Variants in TRANK1 observed in about 807,000 individuals in gnomAD.
The protein encoded by TRANK1 is TPR and ankyrin repeat-containing protein 1.
In TRANK1, 198 loss-of-function variants were observed where a neutral mutation model predicts 266.0. That is an observed-to-expected ratio of 0.74 (90% CI 0.66 to 0.84). The LOEUF (loss-of-function observed/expected upper bound fraction) is 0.84, where lower values mean the gene tolerates loss of function less well. Among genes scored for constraint, TRANK1 ranks in the 40% least tolerant of loss-of-function variants. The pLI is 0.00. For missense variants in TRANK1, 3,326 were observed against 3,634.6 expected (o/e 0.92, Z 2.18); for synonymous variants, 1,396 against 1,384.1 (o/e 1.01, Z -0.19).
At chr3:36,902,666 T>C (rs564845571) in intron 3 of TRANK1, among the ~76,000 whole-genome samples, 1 of 152,356 alleles carries the variant, frequency 6.6e-6, no homozygotes, top group South Asian at 2.1e-4. Context: ...GTTTCTACTA[T>C]AAGAAATGCC....
chr3:36,870,327 G>A (rs2079287528), intron 9 of TRANK1, among the ~76,000 whole-genome samples: 1 of 151,882 alleles, frequency 6.6e-6, no homozygotes, highest in Non-Finnish European at 1.5e-5. Flanking sequence ...GAATCGCTTG[G>A]ACCCGGGAGA....
At chr3:36,854,657 A>G (rs1447224967) in intron 13 of TRANK1, among the ~76,000 whole-genome samples, 2 of 152,194 alleles carry the variant, frequency 1.3e-5, no homozygotes, top group Non-Finnish European at 2.9e-5. Context: ...AAGATTAAGC[A>G]CTATACGTAA....
chr3:36,863,768 C>T (rs959968992), intron 10 of TRANK1, among the ~76,000 whole-genome samples: 1 of 152,296 alleles, frequency 6.6e-6, no homozygotes, highest in South Asian at 2.1e-4. Flanking sequence ...CTATCATCTG[C>T]TGCACACCCT....
At position 36,830,860 on chromosome 3, in the gene TRANK1, T is replaced by C. The variant is rs747104844; in HGVS notation, c.8710+13A>G. The C allele has an allele frequency of 6.3e-7, 1 of 1,585,616 alleles. No homozygotes were observed. Among genetic ancestry groups the C allele is most frequent in the South Asian group, 1.2e-5 (1 of 86,942 alleles). ...CTCACTCTGCCTGGGCCCCCATCTC[T>C]GCAGACCCTTACCGCCAGCCCAGGC... On this transcript the variant is annotated intron_variant, in intron 22 of 23. Coordinates refer to ENST00000645898, the MANE Select transcript of TRANK1 (RefSeq NM_001329998.2).
At chr3:36,917,651 T>G (rs1027266036) in intron 1 of TRANK1, among the ~76,000 whole-genome samples, 1 of 152,236 alleles carries the variant, frequency 6.6e-6, no homozygotes, top group African/African-American at 2.4e-5. Context: ...CAAGTACCAT[T>G]TCTTTCATTA....
chr3:36,865,044 T>C (rs961240281), intron 9 of TRANK1, among the ~76,000 whole-genome samples: 1 of 149,220 alleles, frequency 6.7e-6, no homozygotes, highest in African/African-American at 2.5e-5. Flanking sequence ...TTTTTTTTTT[T>C]TGAGACGGAG....
At chr3:36,892,868 T>TAG (rs2079726493) in intron 6 of TRANK1, 33 bp downstream of exon 6, 3 of 673,612 alleles carry the variant, frequency 4.5e-6, no homozygotes, top group Non-Finnish European at 6.0e-6. Context: ...TATATATATA[T>TAG]ATAGATATAT....
At chr3:36,874,618 T>C (rs906527680) in intron 8 of TRANK1, among the ~76,000 whole-genome samples, 1 of 152,146 alleles carries the variant, frequency 6.6e-6, no homozygotes, top group African/African-American at 2.4e-5. Flanking sequence ...AAGGATAACA[T>C]CAAGCTGTGA....
In TRANK1 at chr3:36,866,975, G is replaced by A. The variant is rs116607162; in HGVS notation, c.1079-2495C>T. Among the ~76,000 whole-genome samples, 547 of 152,286 alleles carry A rather than the reference G, an allele frequency of 3.6e-3. 4 individuals are homozygous for A. The highest frequency in any genetic ancestry group is 0.011 in the African/African-American group (463 of 41,564). On this transcript the variant is annotated intron_variant, in intron 9 of 23. Transcript: ENST00000645898. ...CCCACTCTAATCAAGAGACGTTCAG[G>A]TGCCAGGCAGAAGGAAGATCCACTA... is the stretch of plus-strand genomic sequence containing the variant.
chr3:36,873,383 A>C (rs1329426803), intron 9 of TRANK1, among the ~76,000 whole-genome samples: 1 of 152,250 alleles, frequency 6.6e-6, no homozygotes, highest in African/African-American at 2.4e-5. Flanking sequence ...AACTACAAGA[A>C]GTATAAAAAT....
chr3:36,831,217 G>T lies in TRANK1; in HGVS notation c.8366C>A (p.Ala2789Glu). Residue 2789 changes from alanine (A) to glutamate (E), a missense_variant, in exon 22 of 24, where the codon GCG becomes GAG. By Grantham distance (107) the Ala-to-Glu change is moderately radical. Coordinates refer to ENST00000645898, the MANE Select transcript of TRANK1 (RefSeq NM_001329998.2). The surrounding 1 kb of genome is among the most constrained non-coding windows in gnomAD (Gnocchi z 5.0). ...CACCTCGGAAGCTGCCCCCTCAAACGCTTTGCTGGGGCTGAAATAGTTCTC... is the reference window on the plus strand; with the variant it reads ...CACCTCGGAAGCTGCCCCCTCAAACTCTTTGCTGGGGCTGAAATAGTTCTC... ...GPENYFSPSK[A>E]FEGAASEVAV... 1 of 1,613,742 alleles carries T rather than the reference G, an allele frequency of 6.2e-7. No homozygotes were observed. The highest frequency in any genetic ancestry group is 1.7e-5 in the Admixed American group (1 of 60,002).
At chr3:36,899,041 G>A (rs2079836310) in intron 4 of TRANK1, 68 bp downstream of exon 4, 6 of 1,487,000 alleles carry the variant, frequency 4.0e-6, no homozygotes, top group African/African-American at 1.4e-5. Context: ...CCATGAGCCT[G>A]AGTCCCCAGG....
chr3:36,880,245 G>T, intron 8 of TRANK1: 1 of 265,230 alleles, frequency 3.8e-6, no homozygotes. Context: ...TACAATTTAA[G>T]GACCCTTCAC....
Position 36,858,717 on chromosome 3 carries a change from C to A in TRANK1, c.1672+1G>T, listed in dbSNP as rs766024266. 3.3e-6 allele frequency: 5 copies of A among 1,518,582 alleles called. No homozygotes were observed. The highest frequency in any genetic ancestry group is 4.4e-6 in the Non-Finnish European group (5 of 1,137,180). The allele number at this position is 1,518,582 out of a possible 1,614,324, so 94.1% of individuals were successfully genotyped here. A position where few individuals can be genotyped will look rare whatever the true frequency, so the allele number is the denominator to read the frequency against. ...CGGCTGCTTAAAAAACAAGGGCTTA[C>A]CTTTAATCTCTAGAAAGATGTGGAG... On this transcript the variant is annotated splice_donor_variant, in intron 12 of 23. Coordinates refer to ENST00000645898, the MANE Select transcript of TRANK1 (RefSeq NM_001329998.2). LOFTEE classifies it high-confidence loss of function.
At chr3:36,917,805 C>T (rs967487871) in intron 1 of TRANK1, among the ~76,000 whole-genome samples, 2 of 152,026 alleles carry the variant, frequency 1.3e-5, no homozygotes, top group African/African-American at 4.8e-5. Context: ...TTACTCTTTT[C>T]ATGCACAAAG....
Position 36,856,335 on chromosome 3 carries a change from A to C in TRANK1, c.3387T>G (p.Gly1129=). 3 of 1,572,478 alleles carry C rather than the reference A, an allele frequency of 1.9e-6. No homozygotes were observed. The highest frequency in any genetic ancestry group is 2.6e-6 in the Non-Finnish European group (3 of 1,159,230). The change falls in exon 13 of 24, where the codon GGT becomes GGG. Residue 1129 remains glycine (G), a synonymous_variant. Coordinates refer to ENST00000645898, the MANE Select transcript of TRANK1 (RefSeq NM_001329998.2). ...CCTCTTCCTCCTCCTCTTCCTCCCCACCTGGACTCTCTTTTCCGGGTTCCA... is the reference window on the plus strand; with the variant it reads ...CCTCTTCCTCCTCCTCTTCCTCCCCCCCTGGACTCTCTTTTCCGGGTTCCA... ...LEVEPGKESP[G]GEEEEEEEDE...
chr3:36,880,581 G>T, intron 8 of TRANK1: 1 of 196,464 alleles, frequency 5.1e-6, no homozygotes, highest in Admixed American at 4.5e-5. Flanking sequence ...TGTAGCATCT[G>T]TAAATCCCTT....
At position 36,842,807 on chromosome 3, in the gene TRANK1, A is replaced by C. The variant is rs183079399; in HGVS notation, c.5192-97T>G. On this transcript the variant is annotated intron_variant, in intron 17 of 23. Transcript: ENST00000645898. ...GTTGCATCTCCTCCGCCAGCCATCA[A>C]ATTCACTTGTTAAAGTCCTAACTCC... The C allele has an allele frequency of 1.5e-5, 16 of 1,085,042 alleles. No homozygotes were observed. In the African/African-American group the frequency reaches 2.3e-4, roughly 16 times the overall value. The allele number at this position is 1,085,042 out of a possible 1,614,324, so 67.2% of individuals were successfully genotyped here. A position where few individuals can be genotyped will look rare whatever the true frequency, so the allele number is the denominator to read the frequency against.
At chr3:36,900,817 GCTC>G (rs1210048847) in intron 3 of TRANK1, among the ~76,000 whole-genome samples, 1 of 117,104 alleles carries the variant, frequency 8.5e-6, no homozygotes, top group African/African-American at 3.2e-5. Context: ...ACGAGGTGAG[GCTC>G]CAGCCTGGGT....
Sources: allele counts gnomAD v4.1 joint callset (sites outside exome capture counted in the v4.1 genomes callset), GRCh38; gene constraint gnomAD v4.1.1; non-coding constraint Gnocchi (gnomAD v3.1); transcripts MANE v1.5; gene names NCBI Gene and HGNC (gene_info 2026-07-23, HGNC 2026-07-21).